Variants in TMEM63A observed in about 807,000 individuals in gnomAD.
The protein encoded by TMEM63A is transmembrane protein 63A.
Under a neutral mutation model 100.6 loss-of-function variants are expected in TMEM63A, and 76 were observed. The ratio of observed to expected loss-of-function variants is 0.76; its 90% CI spans 0.63 to 0.91. The LOEUF is 0.91. Among genes scored for constraint, TMEM63A ranks in the 40% least tolerant of loss-of-function variants. TMEM63A has a pLI of 0.00. For synonymous variants in TMEM63A, 401 were observed against 401.1 expected, an observed-to-expected ratio of 1.00 and a Z score of 0.00; for missense variants, 876 against 1,008.8, an observed-to-expected ratio of 0.87 and a Z score of 1.78.
intron 3 of TMEM63A, among the ~76,000 whole-genome samples, chr1:225,876,359 T>C (rs1670803614): frequency 6.6e-6 from 1 of 151,664 alleles, no homozygotes; most frequent in Non-Finnish European, 1.5e-5. Flanking sequence ...GAGCCTAGTC[T>C]CCAGCTCCAA....
downstream of TMEM63A, among the ~76,000 whole-genome samples, chr1:225,843,339 C>A (rs974257124): frequency 1.3e-5 from 2 of 152,158 alleles, no homozygotes; most frequent in African/African-American, 4.8e-5. Context: ...AATAAAAATG[C>A]AAGGAAAGGG....
rs1319546913 is a variant in TMEM63A, at chr1:225,871,981, A to G, written c.333+6T>C. On this transcript the variant is annotated splice_donor_region_variant and intron_variant, in intron 5 of 24. Coordinates refer to ENST00000366835, the MANE Select transcript of TMEM63A (RefSeq NM_014698.3). ...CCATGACCACAACTGGGCCTTAGATACCAACCAGCTCATTTTCAAAGTCTT... is the reference window on the plus strand; with the variant it reads ...CCATGACCACAACTGGGCCTTAGATGCCAACCAGCTCATTTTCAAAGTCTT... The G allele has an allele frequency of 6.2e-7, 1 of 1,611,404 alleles. No individual in the cohort carries two copies. The highest frequency in any genetic ancestry group is 8.5e-7 in the Non-Finnish European group (1 of 1,177,820).
chr1:225,877,474 G>A lies in TMEM63A; in HGVS notation c.107C>T (p.Ala36Val). ...CCCCTGGAGCACGGTGCTGTTTTTGGCCGAGTTGTAGCAATAGGAGTCGTT... is the reference window on the plus strand; with the variant it reads ...CCCCTGGAGCACGGTGCTGTTTTTGACCGAGTTGTAGCAATAGGAGTCGTT... ...RPNDSYCYNS[A>V]KNSTVLQGVT... The change falls in exon 3 of 25, where the codon GCC (alanine) becomes GTC (valine). Residue 36 changes from alanine (A) to valine (V), a missense_variant. Physicochemically the swap from Ala to Val is moderately conservative, Grantham distance 64. Transcript: ENST00000366835. 6.2e-7 allele frequency: 1 copy of A among 1,614,190 alleles called. No individual in the cohort carries two copies. The highest frequency in any genetic ancestry group is 8.5e-7 in the Non-Finnish European group (1 of 1,180,044).
At chr1:225,845,383 C>A (rs1180631633), downstream of TMEM63A, 6 of 1,539,762 alleles carry the variant, frequency 3.9e-6, 1 homozygote, top group South Asian at 4.7e-5. Context: ...CCTCCCCCCA[C>A]AAGTGCCCTC....
intron 14 of TMEM63A, 21 bp from the exon 15 acceptor site, chr1:225,859,370 C>T (rs760786379): frequency 6.2e-7 from 1 of 1,612,660 alleles, no homozygotes. Context: ...AGAGGGGATA[C>T]AGGTCTCGAG....
At chr1:225,857,388 G>T (rs867827700) in intron 15 of TMEM63A, among the ~76,000 whole-genome samples, 38,926 of 134,056 alleles carry the variant, frequency 0.29, 6,795 homozygotes, top group East Asian at 0.55. Flanking sequence ...GCGGGGCGGG[G>T]GGGGGGGGGT....
intron 17 of TMEM63A, 91 bp downstream of exon 17, chr1:225,856,561 C>CTGCTGCCAAACCGTTTGCATT: frequency 7.3e-7 from 1 of 1,363,692 alleles, no homozygotes; most frequent in Non-Finnish European, 1.0e-6. Context: ...AGGTTTGCTT[C>CTGCTGCCAAACCGTTTGCATT]TGCTGCCAAA....
At chr1:225,878,217 A>C (rs951482969) in intron 2 of TMEM63A, among the ~76,000 whole-genome samples, 1 of 151,874 alleles carries the variant, frequency 6.6e-6, no homozygotes, top group Non-Finnish European at 1.5e-5. Context: ...ACTTGCCCCA[A>C]AGTTAAGGTT....
At chr1:225,848,823 G>C in intron 22 of TMEM63A, 74 bp downstream of exon 22, 3 of 1,209,400 alleles carry the variant, frequency 2.5e-6, no homozygotes, top group South Asian at 2.6e-5. Context: ...AGGGTGGGCG[G>C]GGTTGACAGC....
chr1:225,859,118 G>A, intron 15 of TMEM63A, 78 bp downstream of exon 15: 1 of 1,595,920 alleles, frequency 6.3e-7, no homozygotes, highest in Non-Finnish European at 8.6e-7. Context: ...CCCCACTCCT[G>A]TCCCCACTCC....
At chr1:225,841,836 G>A (rs111525841), downstream of TMEM63A, among the ~76,000 whole-genome samples, 4,255 of 150,064 alleles carry the variant, frequency 0.028, 186 homozygotes, top group African/African-American at 0.099. Flanking sequence ...ACTCCTTACC[G>A]CAGGTGATCC....
chr1:225,847,303 A>G, intron 23 of TMEM63A, 90 bp from the exon 24 acceptor site: 1 of 1,480,530 alleles, frequency 6.8e-7, no homozygotes, highest in East Asian at 2.3e-5. Context: ...AACAGGACAC[A>G]GACAGTGGCC....
In TMEM63A at chr1:225,846,948, AGAAGTCATGAACTTG is replaced by A; in HGVS notation, c.*7-31_*7-17del. ...GCAGTGAGACCTAAAACAGATGGGAAGAAGTCATGAACTTGGGAGTCAGGCCGCTTCACCTGTCTT... is the reference window on the plus strand; with the variant it reads ...GCAGTGAGACCTAAAACAGATGGGAAGGAGTCAGGCCGCTTCACCTGTCTT... On this transcript the variant is annotated splice_polypyrimidine_tract_variant and intron_variant, in intron 24 of 24. Coordinates refer to ENST00000366835, the MANE Select transcript of TMEM63A (RefSeq NM_014698.3). The A allele has an allele frequency of 7.0e-7, 1 of 1,427,724 alleles. No homozygotes were observed. Among genetic ancestry groups the A allele is most frequent in the South Asian group, 1.4e-5 (1 of 70,824 alleles). The allele number at this position is 1,427,724 out of a possible 1,614,324, so 88.4% of individuals were successfully genotyped here.
At chr1:225,866,381 T>G in intron 9 of TMEM63A, 193 bp downstream of exon 9, 2 of 578,444 alleles carry the variant, frequency 3.5e-6, no homozygotes, top group Non-Finnish European at 6.1e-6. Flanking sequence ...GTCCAAATCT[T>G]GAAACAATCC....
chr1:225,856,929 A>C lies in TMEM63A; in HGVS notation c.1466T>G (p.Leu489Arg). ...LPSIVYYSTL[L>R]ESHWTKSGEN... is the part of the protein sequence containing the mutation. ...CACTCACTTGGTCCAGTGAGACTCCAGCAGTGTAGAGTAGTAGACAATGGA... is the reference window on the plus strand; with the variant it reads ...CACTCACTTGGTCCAGTGAGACTCCCGCAGTGTAGAGTAGTAGACAATGGA... Residue 489 changes from leucine to arginine, a missense_variant, in exon 16 of 25, where the codon CTG becomes CGG. Physicochemically the swap from Leu to Arg is moderately radical, Grantham distance 102 (BLOSUM62 -2). Transcript: ENST00000366835. 6.2e-7 allele frequency: 1 copy of C among 1,610,594 alleles called. No individual in the cohort carries two copies.
Position 225,853,743 on chromosome 1 carries a change from G to A in TMEM63A, c.1683C>T (p.Ile561=), listed in dbSNP as rs1481455542. Residue 561 remains isoleucine, a synonymous_variant, in exon 19 of 25, where the codon ATC becomes ATT. Coordinates refer to ENST00000366835, the MANE Select transcript of TMEM63A (RefSeq NM_014698.3). This position sits in a 1 kb window ranked among gnomAD's most constrained non-coding sequence, Gnocchi z 4.0. ...DQGAFFVNYV[I]ASAFIGNGME... Reference sequence around the variant, plus strand: ...TGCCATTGCCGATGAAGGCCGAGGCGATGACATAGTTCACAAAGAAGGCAC... The same window carrying A: ...TGCCATTGCCGATGAAGGCCGAGGCAATGACATAGTTCACAAAGAAGGCAC... The A allele has an allele frequency of 1.6e-5, 25 of 1,606,942 alleles. No homozygotes were observed. Among genetic ancestry groups the A allele is most frequent in the South Asian group, 3.4e-5 (3 of 89,534 alleles).
intron 14 of TMEM63A, 96 bp downstream of exon 14, chr1:225,860,764 C>T (rs1669895541): frequency 7.1e-7 from 1 of 1,413,882 alleles, no homozygotes; most frequent in African/African-American, 1.5e-5. Flanking sequence ...TGGAGATCTC[C>T]ATTGACTGCC....
rs200544450 is a variant in TMEM63A at position 225,865,897 on chromosome 1, C to G, written c.746G>C (p.Arg249Pro). The change falls in exon 10 of 25, where the codon CGG (arginine) becomes CCG (proline). Residue 249 changes from arginine (R) to proline (P), a missense_variant and splice_region_variant. Around this residue, in one of 5 missense-constraint regions of TMEM63A, gnomAD observed 487 missense variants for 581.9 expected, o/e 0.84. Transcript: ENST00000366835. The surrounding 1 kb of genome is among the most constrained non-coding windows in gnomAD (Gnocchi z 4.6). ...CTCCCCTCCCACCCCACCTGCTTAC[C>G]GGAAGTGGCTCTCCACAGTCTCCTT... Reference protein sequence around the residue: ...ARKETVESHFRDAYPTCEVVD... With the variant: ...ARKETVESHFPDAYPTCEVVD... 2.6e-5 allele frequency: 42 copies of G among 1,613,806 alleles called. No homozygotes were observed. Among genetic ancestry groups the G allele is most frequent in the South Asian group, 2.0e-4 (18 of 91,048 alleles).
At position 225,853,899 on chromosome 1, in the gene TMEM63A, C is replaced by G. The variant is rs1016941942; in HGVS notation, c.1635-108G>C. On this transcript the variant is annotated intron_variant, in intron 18 of 24. Transcript: ENST00000366835. This position sits in a 1 kb window ranked among gnomAD's most constrained non-coding sequence, Gnocchi z 4.0. ...AAAGCCCCTGGGAGGGCTGTATACTCTTCCGTTCATTCAGCACATATTTGG... is the reference window on the plus strand; with the variant it reads ...AAAGCCCCTGGGAGGGCTGTATACTGTTCCGTTCATTCAGCACATATTTGG... 4.3e-5 allele frequency: 47 copies of G among 1,098,272 alleles called. No homozygotes were observed. The Admixed American group carries it at 8.7e-4, about 20-fold the overall frequency. The allele number at this position is 1,098,272 out of a possible 1,614,324, so 68.0% of individuals were successfully genotyped here. A position where few individuals can be genotyped will look rare whatever the true frequency, so the allele number is the denominator to read the frequency against.
Sources: gnomAD v4.1 joint callset for allele counts (sites outside exome capture counted in the v4.1 genomes callset) on GRCh38, gnomAD v4.1.1 for gene constraint, gnomAD v4.1.1 regional missense constraint, Gnocchi (gnomAD v3.1) non-coding constraint, MANE v1.5 for transcripts, NCBI Gene and HGNC (gene_info 2026-07-23, HGNC 2026-07-21) for gene names.